PIK3C2G: variants seen among roughly 807,000 people sequenced by gnomAD.
PIK3C2G encodes phosphatidylinositol-4-phosphate 3-kinase catalytic subunit type 2 gamma, also known as phosphatidylinositol 3-kinase C2 domain-containing subunit gamma.
PIK3C2G carries 168 observed loss-of-function variants against 181.1 expected under a neutral mutation model. The ratio of observed to expected loss-of-function variants is 0.93; its 90% CI spans 0.82 to 1.05. The LOEUF (loss-of-function observed/expected upper bound fraction) is 1.05, where lower values mean the gene tolerates loss of function less well. PIK3C2G is among the 50% of genes least tolerant of loss of function. PIK3C2G has a pLI of 0.00. For missense variants in PIK3C2G, 1,869 were observed against 1,732.8 expected (o/e 1.08, Z -1.40); for synonymous variants, 573 against 592.2 (o/e 0.97, Z 0.47).
chr12:18,624,867 T>C (rs1592743044), intron 31 of PIK3C2G, among the ~76,000 whole-genome samples: 1 of 151,734 alleles, frequency 6.6e-6, no homozygotes, highest in Non-Finnish European at 1.5e-5. Context: ...TGTATTCTTT[T>C]GGTGCCAGTT....
chr12:18,285,974 T>C (rs1286668841), intron 2 of PIK3C2G, among the ~76,000 whole-genome samples: 1 of 151,772 alleles, frequency 6.6e-6, no homozygotes, highest in Non-Finnish European at 1.5e-5. Flanking sequence ...AGAGATAGAT[T>C]GAAAGTAAAA....
Position 18,498,767 on chromosome 12 carries a change from C to A in PIK3C2G, c.3016+1019C>A, listed in dbSNP as rs191094996. Among the ~76,000 whole-genome samples, 9 of 152,252 alleles carry A rather than the reference C, an allele frequency of 5.9e-5. No homozygotes were observed. The East Asian group carries it at 1.6e-3, about 26-fold the overall frequency. On this transcript the variant is annotated intron_variant, in intron 22 of 32. Coordinates refer to ENST00000538779, the MANE Select transcript of PIK3C2G (RefSeq NM_001288772.2). ...TACCTTACAATGACTGCATTACAGT[C>A]GTACTAGCCAATTGATTTGATTCTG...
chr12:18,554,472 A>G (rs572568794), intron 26 of PIK3C2G, among the ~76,000 whole-genome samples: 2 of 152,220 alleles, frequency 1.3e-5, no homozygotes, highest in Admixed American at 1.3e-4. Flanking sequence ...GTTTGGAGTC[A>G]AATGTGTACC....
chr12:18,399,826 C>T lies in PIK3C2G; in HGVS notation c.2294C>T (p.Ala765Val), dbSNP rs189828472. ...RRWTFSQPLE[A>V]LGLLTSSFPD... Reference sequence around the variant, plus strand: ...TGGACATTTTCTCAACCTTTAGAGGCTCTTGGGCTTTTGACTTCCAGGTAA... The same window carrying T: ...TGGACATTTTCTCAACCTTTAGAGGTTCTTGGGCTTTTGACTTCCAGGTAA... The change falls in exon 16 of 33, where the codon GCT becomes GTT. Residue 765 changes from alanine (A) to valine (V), a missense_variant. Physicochemically the swap from Ala to Val is moderately conservative, Grantham distance 64 (BLOSUM62 0). Transcript: ENST00000538779. 3.3e-5 allele frequency: 52 copies of T among 1,583,578 alleles called. No individual in the cohort carries two copies. Among genetic ancestry groups the T allele is most frequent in the Admixed American group, 5.1e-5 (3 of 58,640 alleles).
intron 18 of PIK3C2G, among the ~76,000 whole-genome samples, chr12:18,455,158 C>G (rs1193278794): frequency 6.6e-6 from 1 of 152,162 alleles, no homozygotes; most frequent in African/African-American, 2.4e-5. Context: ...AAAGTCAGAG[C>G]CTTTTACAAC....
the PIK3C2G span, chr12:18,683,573 A>G: frequency 1.4e-6 from 2 of 1,469,906 alleles, no homozygotes; most frequent in Non-Finnish European, 1.8e-6. Context: ...TGCATGATCC[A>G]AAATTAGCCA....
chr12:18,389,717 G>C (rs949399716), intron 14 of PIK3C2G, among the ~76,000 whole-genome samples: 20 of 152,028 alleles, frequency 1.3e-4, no homozygotes, highest in Admixed American at 1.1e-3. Context: ...AGAATCAGTA[G>C]CTATTTAGCC....
chr12:18,396,465 C>G (rs1320327069), intron 15 of PIK3C2G, among the ~76,000 whole-genome samples: 2 of 151,420 alleles, frequency 1.3e-5, no homozygotes, highest in African/African-American at 2.4e-5. Flanking sequence ...GCCACGATGT[C>G]TGCTTCAAAC....
chr12:18,381,570 A>C (rs938696609), intron 13 of PIK3C2G, among the ~76,000 whole-genome samples, 196 bp from the exon 14 acceptor site: 2 of 152,248 alleles, frequency 1.3e-5, no homozygotes, highest in African/African-American at 4.8e-5. Context: ...GAAAATAGCC[A>C]AGCATGTGGT....
intron 1 of PIK3C2G, among the ~76,000 whole-genome samples, chr12:18,275,159 A>C (rs903740631): frequency 6.6e-6 from 1 of 152,144 alleles, no homozygotes; most frequent in Non-Finnish European, 1.5e-5. Flanking sequence ...CTTTTCTTGA[A>C]TATCTAAAAT....
chr12:18,380,088 A>C (rs1306374669), intron 13 of PIK3C2G, among the ~76,000 whole-genome samples: 1 of 152,154 alleles, frequency 6.6e-6, no homozygotes, highest in East Asian at 1.9e-4. Context: ...GAGTGAGAAG[A>C]GGAGCGCCTC....
At chr12:18,307,018 T>A (rs1950447648) in intron 5 of PIK3C2G, among the ~76,000 whole-genome samples, 1 of 150,092 alleles carries the variant, frequency 6.7e-6, no homozygotes, top group African/African-American at 2.5e-5. Flanking sequence ...TAAATGTGGG[T>A]TTCCAAGGAG....
At chr12:18,256,739 T>C (rs758626160), upstream of PIK3C2G, among the ~76,000 whole-genome samples, 10 of 152,158 alleles carry the variant, frequency 6.6e-5, no homozygotes, top group African/African-American at 1.4e-4. Context: ...CATAAAGTAA[T>C]GAGAATTACT....
intron 11 of PIK3C2G, among the ~76,000 whole-genome samples, chr12:18,352,336 C>A (rs1297688525): frequency 6.6e-6 from 1 of 152,168 alleles, no homozygotes; most frequent in South Asian, 2.1e-4. Context: ...CAGGACAGTT[C>A]CCGTGACCCT....
Position 18,593,358 on chromosome 12 carries a change from GTAGATTT to G in PIK3C2G, c.4012-1133_4012-1127del, listed in dbSNP as rs1161223316. Reference sequence around the variant, plus strand: ...TAAGCGGATGGAAAGCTGTGTGTCTGTAGATTTTATGGCAGGAAGTTTAGGAATTTCC... The same window carrying G: ...TAAGCGGATGGAAAGCTGTGTGTCTGTATGGCAGGAAGTTTAGGAATTTCC... On this transcript the variant is annotated intron_variant, in intron 29 of 32. Transcript: ENST00000538779. Among the ~76,000 whole-genome samples the G allele has an allele frequency of 2.0e-5, 3 of 151,910 alleles. No individual in the cohort carries two copies. In the East Asian group the frequency reaches 5.8e-4, roughly 29 times the overall value.
chr12:18,576,908 GTGGATGGATTATTA>G (rs1946257778), intron 29 of PIK3C2G, among the ~76,000 whole-genome samples: 1 of 152,200 alleles, frequency 6.6e-6, no homozygotes, highest in African/African-American at 2.4e-5. Context: ...TAAGGGAATG[GTGGATGGATTATTA>G]TCTTTGCATG....
chr12:18,562,991 T>C, intron 27 of PIK3C2G, 99 bp downstream of exon 27: 1 of 768,478 alleles, frequency 1.3e-6, no homozygotes, highest in Non-Finnish European at 2.1e-6. Flanking sequence ...CATAATTTTT[T>C]ACTAAGCAAA....
At chr12:18,563,231 G>C (rs1469176437) in intron 27 of PIK3C2G, 146 bp from the exon 28 acceptor site, 1 of 668,630 alleles carries the variant, frequency 1.5e-6, no homozygotes, top group Non-Finnish European at 2.5e-6. Flanking sequence ...ATTTAATTTT[G>C]CCTTTACAAA....
chr12:18,278,546 A>C (rs1949079681), intron 1 of PIK3C2G, among the ~76,000 whole-genome samples: 1 of 152,216 alleles, frequency 6.6e-6, no homozygotes, highest in African/African-American at 2.4e-5. Context: ...AGGGATCAAA[A>C]CATGGGAATA....
Sources: allele counts gnomAD v4.1 joint callset (sites outside exome capture counted in the v4.1 genomes callset), GRCh38; gene constraint gnomAD v4.1.1; transcripts MANE v1.5; gene names NCBI Gene and HGNC (gene_info 2026-07-23, HGNC 2026-07-21).